RABGAP1L: variants seen among roughly 807,000 people sequenced by gnomAD.
RABGAP1L encodes rab GTPase-activating protein 1-like.
In RABGAP1L, 63 loss-of-function variants were observed where a neutral mutation model predicts 137.7. That is an observed-to-expected ratio of 0.46 (90% confidence interval 0.37 to 0.56). The LOEUF is 0.56. Ranked by LOEUF, RABGAP1L falls within the 20% of genes least tolerant of loss-of-function variation. The pLI is 0.00. For synonymous variants in RABGAP1L, 431 were observed against 433.7 expected (o/e 0.99, Z 0.08); for missense variants, 1,095 against 1,244.0 (o/e 0.88, Z 1.80).
chr1:174,542,999 G>A (rs771009331), intron 13 of RABGAP1L, among the ~76,000 whole-genome samples: 12 of 152,164 alleles, frequency 7.9e-5, no homozygotes, highest in Non-Finnish European at 1.6e-4. Flanking sequence ...TTGCAGAGGA[G>A]TGCTTTGCTT....
chr1:174,204,071 C>G (rs1668327648), intron 1 of RABGAP1L, among the ~76,000 whole-genome samples: 1 of 152,020 alleles, frequency 6.6e-6, no homozygotes, highest in African/African-American at 2.4e-5. Flanking sequence ...GTGTGTCAAC[C>G]TCCTGAATAG....
chr1:174,432,861 T>A (rs1652809499), intron 13 of RABGAP1L, among the ~76,000 whole-genome samples: 1 of 152,096 alleles, frequency 6.6e-6, no homozygotes, highest in African/African-American at 2.4e-5. Context: ...TAATGTACTT[T>A]AAAAAAGGAA....
intron 1 of RABGAP1L, among the ~76,000 whole-genome samples, chr1:174,192,318 GTTTTTTTTTTTT>G (rs3056994): frequency 4.5e-4 from 51 of 112,946 alleles, no homozygotes; most frequent in Admixed American, 4.5e-3. Flanking sequence ...TGTCTGAGGT[GTTTTTTTTTTTT>G]TTTTTTTTGG....
chr1:174,788,974 A>T (rs902992644), intron 18 of RABGAP1L, among the ~76,000 whole-genome samples: 19 of 152,144 alleles, frequency 1.2e-4, no homozygotes, highest in Non-Finnish European at 2.1e-4. Flanking sequence ...TCAGCCACCC[A>T]AAGTGCTGGG....
chr1:174,776,222 A>G (rs1458988950), intron 18 of RABGAP1L, among the ~76,000 whole-genome samples: 1 of 152,066 alleles, frequency 6.6e-6, no homozygotes, highest in Non-Finnish European at 1.5e-5. Flanking sequence ...GTATAAAAAA[A>G]AATTAGCTGG....
rs1366642766 is a variant in RABGAP1L at position 174,990,411 on chromosome 1, T to G, written c.*410T>G. The G allele has an allele frequency of 1.3e-5, 2 of 154,352 alleles. No individual in the cohort carries two copies. Among genetic ancestry groups the G allele is most frequent in the Admixed American group, 1.3e-4 (2 of 15,432 alleles). The allele number at this position is 154,352 out of a possible 1,614,324, so 9.6% of individuals were successfully genotyped here. A position where few individuals can be genotyped will look rare whatever the true frequency, so the allele number is the denominator to read the frequency against. On this transcript the variant is annotated 3_prime_UTR_variant, in exon 26 of 26. Coordinates refer to ENST00000681986, the MANE Select transcript of RABGAP1L (RefSeq NM_001366446.1). ...ATCTTTGTCACAGGAAAAAAAAAAT[T>G]GAAACCTAAACATCTTAAGTTTTCA...
chr1:174,429,072 C>G (rs1652292734), intron 13 of RABGAP1L, among the ~76,000 whole-genome samples: 1 of 151,906 alleles, frequency 6.6e-6, no homozygotes. Flanking sequence ...CTTGCAATTC[C>G]TTTTTTAAAA....
At chr1:174,458,762 ATAAT>A (rs1240621158) in intron 13 of RABGAP1L, among the ~76,000 whole-genome samples, 2 of 152,116 alleles carry the variant, frequency 1.3e-5, no homozygotes, top group Non-Finnish European at 1.5e-5. Flanking sequence ...GGAGTCAGTA[ATAAT>A]TAACATTGGA....
chr1:174,385,461 G>A (rs1686682854), intron 12 of RABGAP1L, among the ~76,000 whole-genome samples: 2 of 152,214 alleles, frequency 1.3e-5, no homozygotes, highest in South Asian at 4.1e-4. Flanking sequence ...TCAAGGAAAA[G>A]ATAGGGAAGG....
intron 19 of RABGAP1L, among the ~76,000 whole-genome samples, chr1:174,866,359 C>T (rs1477754322): frequency 6.6e-6 from 1 of 152,134 alleles, no homozygotes; most frequent in African/African-American, 2.4e-5. Flanking sequence ...ACTATGACAG[C>T]TGTTTTAGAA....
intron 13 of RABGAP1L, among the ~76,000 whole-genome samples, chr1:174,518,913 G>A (rs1663110414): frequency 6.6e-6 from 1 of 152,146 alleles, no homozygotes; most frequent in Admixed American, 6.6e-5. Flanking sequence ...GGATTTCAAA[G>A]TTCCCAACAG....
At chr1:174,807,646 C>T (rs1361259851) in intron 18 of RABGAP1L, among the ~76,000 whole-genome samples, 1 of 152,190 alleles carries the variant, frequency 6.6e-6, no homozygotes, top group East Asian at 1.9e-4. Flanking sequence ...GGACTAACTA[C>T]AGGTTGTCTT....
chr1:174,487,779 T>C (rs751165667), intron 13 of RABGAP1L, among the ~76,000 whole-genome samples: 85 of 152,140 alleles, frequency 5.6e-4, no homozygotes, highest in Non-Finnish European at 1.0e-3. Flanking sequence ...TATTTTTTTG[T>C]GTATCTGTTG....
intron 19 of RABGAP1L, among the ~76,000 whole-genome samples, chr1:174,912,903 A>C (rs971910158): frequency 5.9e-5 from 9 of 152,056 alleles, no homozygotes; most frequent in Admixed American, 5.2e-4. Flanking sequence ...TCTTTATCAT[A>C]TATGGCACAG....
rs186075709 is a variant in RABGAP1L at position 174,453,058 on chromosome 1, T to A, written c.1710+58913T>A. 1.8e-4 allele frequency among the ~76,000 whole-genome samples: 28 copies of A among 152,332 alleles called. No individual in the cohort carries two copies. The East Asian group carries it at 5.4e-3, about 29-fold the overall frequency. On this transcript the variant is annotated intron_variant, in intron 13 of 25. Coordinates refer to ENST00000681986, the MANE Select transcript of RABGAP1L (RefSeq NM_001366446.1). ...TTCAAGTATATTTCTGAAAGCTCGTTTCCCAGGAATAGTTATTCATGAAGA... is the reference window on the plus strand; with the variant it reads ...TTCAAGTATATTTCTGAAAGCTCGTATCCCAGGAATAGTTATTCATGAAGA...
chr1:174,207,448 G>T (rs1335541550), intron 1 of RABGAP1L, among the ~76,000 whole-genome samples: 2 of 152,138 alleles, frequency 1.3e-5, no homozygotes, highest in Non-Finnish European at 2.9e-5. Flanking sequence ...CATAATAGTA[G>T]ACTTAGTAAA....
At chr1:174,453,008 A>G (rs1278029311) in intron 13 of RABGAP1L, among the ~76,000 whole-genome samples, 1 of 152,172 alleles carries the variant, frequency 6.6e-6, no homozygotes, top group African/African-American at 2.4e-5. Context: ...ATTTAAATTC[A>G]AATTTTGGGG....
At chr1:174,567,124 C>T (rs1051047942) in intron 13 of RABGAP1L, among the ~76,000 whole-genome samples, 4 of 152,080 alleles carry the variant, frequency 2.6e-5, no homozygotes, top group African/African-American at 9.7e-5. Context: ...CTATATCCAA[C>T]ACTTTATCAT....
At chr1:174,932,857 G>A (rs1026872795) in intron 19 of RABGAP1L, among the ~76,000 whole-genome samples, 2 of 152,046 alleles carry the variant, frequency 1.3e-5, no homozygotes, top group African/African-American at 2.4e-5. Context: ...TTCTTCAAGC[G>A]TAACTTGCTT....
Sources: allele counts gnomAD v4.1 joint callset (sites outside exome capture counted in the v4.1 genomes callset), GRCh38; gene constraint gnomAD v4.1.1; transcripts MANE v1.5; gene names NCBI Gene and HGNC (gene_info 2026-07-23, HGNC 2026-07-21).